GRIA4: variants seen among roughly 807,000 people sequenced by gnomAD.
The protein encoded by GRIA4 is glutamate ionotropic receptor AMPA type subunit 4, also known as glutamate receptor 4.
In GRIA4, 34 loss-of-function variants were observed where a neutral mutation model predicts 104.0. The observed-to-expected ratio is 0.33, with a 90% confidence interval of 0.25 to 0.44. The LOEUF (loss-of-function observed/expected upper bound fraction) is 0.44, where lower values mean the gene tolerates loss of function less well. GRIA4 is among the 20% of genes least tolerant of loss of function. The pLI, the probability that GRIA4 is intolerant of heterozygous loss-of-function variation, is 1.00. For synonymous variants in GRIA4, 386 were observed against 381.9 expected (o/e 1.01, Z -0.13); for missense variants, 750 against 1,096.5 (o/e 0.68, Z 4.46).
chr11:105,663,262 A>G (rs1442975675), intron 3 of GRIA4, among the ~76,000 whole-genome samples: 1 of 151,966 alleles, frequency 6.6e-6, no homozygotes, highest in Admixed American at 6.6e-5. Context: ...AAAAATTAAG[A>G]AAATTAATTA....
intron 13 of GRIA4, among the ~76,000 whole-genome samples, chr11:105,927,379 G>A (rs1343353151): frequency 6.6e-6 from 1 of 152,046 alleles, no homozygotes; most frequent in Non-Finnish European, 1.5e-5. Context: ...ACTTATATGA[G>A]TTATATTATT....
At chr11:105,694,154 T>A (rs1361710309) in intron 3 of GRIA4, among the ~76,000 whole-genome samples, 2 of 42,292 alleles carry the variant, frequency 4.7e-5, no homozygotes, top group Non-Finnish European at 1.0e-4. Flanking sequence ...AACAAGCTAA[T>A]TTTTTTTTTT....
intron 3 of GRIA4, among the ~76,000 whole-genome samples, chr11:105,739,182 T>C (rs772599969): frequency 1.3e-5 from 2 of 152,194 alleles, no homozygotes; most frequent in Non-Finnish European, 2.9e-5. Context: ...GTATTGCAAA[T>C]AGCCTTCTGC....
chr11:105,727,835 T>C (rs1938318029), intron 3 of GRIA4, among the ~76,000 whole-genome samples: 1 of 152,178 alleles, frequency 6.6e-6, no homozygotes, highest in South Asian at 2.1e-4. Flanking sequence ...CTGAGGGATT[T>C]TGTCACCACC....
intron 3 of GRIA4, among the ~76,000 whole-genome samples, chr11:105,730,909 T>A (rs1938544878): frequency 6.6e-6 from 1 of 152,058 alleles, no homozygotes; most frequent in Non-Finnish European, 1.5e-5. Flanking sequence ...ATGTAAGACC[T>A]AAAACCATAA....
intron 3 of GRIA4, among the ~76,000 whole-genome samples, chr11:105,639,399 T>C (rs1951295258): frequency 6.6e-6 from 1 of 152,060 alleles, no homozygotes; most frequent in Admixed American, 6.6e-5. Context: ...ATCTGAGGTC[T>C]CTTGCCATAT....
At chr11:105,963,726 T>C (rs1271113983) in intron 14 of GRIA4, among the ~76,000 whole-genome samples, 1 of 152,156 alleles carries the variant, frequency 6.6e-6, no homozygotes, top group Non-Finnish European at 1.5e-5. Flanking sequence ...TAGAATAATT[T>C]TGTAGAAAGC....
intron 4 of GRIA4, among the ~76,000 whole-genome samples, chr11:105,816,918 G>C (rs1275388206): frequency 6.6e-6 from 1 of 152,114 alleles, no homozygotes; most frequent in Non-Finnish European, 1.5e-5. Flanking sequence ...CAGGAGGAAG[G>C]CTGAGAAGGG....
At chr11:105,686,889 T>A (rs2135481686) in intron 3 of GRIA4, among the ~76,000 whole-genome samples, 1 of 152,330 alleles carries the variant, frequency 6.6e-6, no homozygotes, top group East Asian at 1.9e-4. Context: ...GAAGTGTCTG[T>A]TCATGTATTT....
intron 4 of GRIA4, among the ~76,000 whole-genome samples, chr11:105,820,938 G>C (rs1800905861): frequency 6.6e-6 from 1 of 152,134 alleles, no homozygotes. Flanking sequence ...AAGAACAGAA[G>C]AGCGAAAACT....
At chr11:105,762,189 A>G (rs1404192614) in intron 4 of GRIA4, among the ~76,000 whole-genome samples, 2 of 151,346 alleles carry the variant, frequency 1.3e-5, no homozygotes, top group African/African-American at 2.4e-5. Flanking sequence ...ATGCCTGGCT[A>G]ATTTTTGTAT....
chr11:105,697,164 A>G (rs537934345), intron 3 of GRIA4, among the ~76,000 whole-genome samples: 1 of 152,320 alleles, frequency 6.6e-6, no homozygotes, highest in East Asian at 1.9e-4. Context: ...AAAGGAAAAC[A>G]AGCACTTAAA....
intron 4 of GRIA4, among the ~76,000 whole-genome samples, chr11:105,861,442 C>G (rs1304442879): frequency 6.6e-6 from 1 of 152,038 alleles, no homozygotes; most frequent in Non-Finnish European, 1.5e-5. Context: ...TTCAACTGAT[C>G]CCCAGTCTAT....
intron 6 of GRIA4, among the ~76,000 whole-genome samples, chr11:105,897,552 G>A (rs535475742): frequency 6.6e-6 from 1 of 152,192 alleles, no homozygotes; most frequent in Admixed American, 6.5e-5. Flanking sequence ...GTTTGTCATA[G>A]ATGGCTCTAA....
chr11:105,724,745 C>T (rs1468569942), intron 3 of GRIA4, among the ~76,000 whole-genome samples: 1 of 152,038 alleles, frequency 6.6e-6, no homozygotes, highest in Non-Finnish European at 1.5e-5. Flanking sequence ...TGCAATATAT[C>T]CCTGCAACAA....
At chr11:105,686,691 A>T (rs1031281061) in intron 3 of GRIA4, among the ~76,000 whole-genome samples, 1 of 152,176 alleles carries the variant, frequency 6.6e-6, no homozygotes, top group Non-Finnish European at 1.5e-5. Flanking sequence ...ATTCCCACCA[A>T]CAGTATATAA....
chr11:105,919,582 T>C (rs923996389), intron 11 of GRIA4, among the ~76,000 whole-genome samples: 3 of 152,152 alleles, frequency 2.0e-5, no homozygotes, highest in Non-Finnish European at 2.9e-5. Flanking sequence ...GTGTACCTGA[T>C]ATTGAGTGTA....
chr11:105,909,125 T>C (rs1020541738), intron 9 of GRIA4, among the ~76,000 whole-genome samples: 3 of 152,180 alleles, frequency 2.0e-5, no homozygotes, highest in African/African-American at 4.8e-5. Context: ...GCCGTATTAA[T>C]AAAAAGTCTT....
chr11:105,806,959 G>A (rs1157418504), intron 4 of GRIA4, among the ~76,000 whole-genome samples: 3 of 151,712 alleles, frequency 2.0e-5, no homozygotes, highest in Non-Finnish European at 4.4e-5. Context: ...AGGAAATATA[G>A]AAGTGAAAAA....
Sources: gnomAD v4.1 joint callset for allele counts (sites outside exome capture counted in the v4.1 genomes callset) on GRCh38, gnomAD v4.1.1 for gene constraint, MANE v1.5 for transcripts, NCBI Gene and HGNC (gene_info 2026-07-23, HGNC 2026-07-21) for gene names.